Variants in SPEF2 observed in about 807,000 individuals in gnomAD.
The protein encoded by SPEF2 is sperm flagella and cilia-associated protein 2.
Under a neutral mutation model 224.6 loss-of-function variants are expected in SPEF2, and 187 were observed. The ratio of observed to expected loss-of-function variants is 0.83; its 90% CI spans 0.74 to 0.94. The LOEUF is 0.94. SPEF2 is among the 40% of genes least tolerant of loss of function. The pLI is 0.00. For synonymous variants in SPEF2, 715 were observed against 707.3 expected, an observed-to-expected ratio of 1.01 and a Z score of -0.17; for missense variants, 2,170 against 2,135.6, an observed-to-expected ratio of 1.02 and a Z score of -0.32.
chr5:35,788,409 G>GA (rs1405052277), intron 30 of SPEF2: 9 of 701,726 alleles, frequency 1.3e-5, no homozygotes, highest in Non-Finnish European at 2.3e-5. Context: ...GAAGTAGAAC[G>GA]AAAAAATCTA....
intron 30 of SPEF2, among the ~76,000 whole-genome samples, chr5:35,779,936 A>T (rs1164039249): frequency 1.3e-5 from 2 of 152,178 alleles, no homozygotes; most frequent in Non-Finnish European, 2.9e-5. Context: ...GGCTTTTTTT[A>T]TTCAGCCTTT....
intron 25 of SPEF2, among the ~76,000 whole-genome samples, chr5:35,760,812 A>G (rs1751181661): frequency 1.3e-5 from 2 of 152,234 alleles, no homozygotes; most frequent in African/African-American, 4.8e-5. Context: ...GTTTCCAACT[A>G]TAAAACATTA....
rs540866984 is a variant in SPEF2 at position 35,776,626 on chromosome 5, C to T, written c.4217+231C>T. ...GGTTCTATTGCTATATTAAACTTTG[C>T]ACAATATTTATGAGTTTAGCTGTCA... On this transcript the variant is annotated intron_variant, in intron 29 of 36. Transcript: ENST00000356031. Among the ~76,000 whole-genome samples the T allele has an allele frequency of 4.6e-5, 7 of 152,188 alleles. 1 individual carries two copies. The highest frequency in any genetic ancestry group is 6.8e-3 in the Middle Eastern group (2 of 294).
At chr5:35,666,624 C>A (rs553526755) in intron 8 of SPEF2, among the ~76,000 whole-genome samples, 16 of 152,264 alleles carry the variant, frequency 1.1e-4, no homozygotes, top group East Asian at 3.9e-4. Flanking sequence ...ATAGAACTCT[C>A]CCATTGAAAG....
At chr5:35,710,423 G>A (rs923387543) in intron 19 of SPEF2, 4 of 495,500 alleles carry the variant, frequency 8.1e-6, no homozygotes, top group South Asian at 8.5e-5. Context: ...TGGGCGTGGT[G>A]GCAGGCACCT....
rs779076331 is a variant in SPEF2 at position 35,700,519 on chromosome 5, G to A, written c.2165G>A (p.Cys722Tyr). The change falls in exon 16 of 37, where the codon TGT becomes TAT. Residue 722 changes from cysteine to tyrosine, a missense_variant. Transcript: ENST00000356031. The part of the protein sequence containing the change: ...AINEIPVNQD[C>Y]ILDGFPMTLN... ...AGTGAGATACCTGTGAATCAAGACTGTATCCTAGATGGTTTTCCAATGACT... is the reference window on the plus strand; with the variant it reads ...AGTGAGATACCTGTGAATCAAGACTATATCCTAGATGGTTTTCCAATGACT... 6 of 1,612,962 alleles carry A rather than the reference G, an allele frequency of 3.7e-6. No homozygotes were observed. In the African/African-American group the frequency reaches 5.3e-5, roughly 14 times the overall value.
intron 30 of SPEF2, among the ~76,000 whole-genome samples, chr5:35,782,204 C>T (rs1754447562): frequency 6.6e-6 from 1 of 152,154 alleles, no homozygotes; most frequent in Non-Finnish European, 1.5e-5. Context: ...ACTGTATTTA[C>T]CCTAGAACTC....
At chr5:35,759,493 A>G (rs2149745641) in intron 24 of SPEF2, 75 bp from the exon 25 acceptor site, 1 of 1,270,014 alleles carries the variant, frequency 7.9e-7, no homozygotes, top group Non-Finnish European at 1.0e-6. Context: ...TAGTGCTTTC[A>G]GAGGCTTATA....
intron 30 of SPEF2, among the ~76,000 whole-genome samples, chr5:35,784,658 C>G (rs1754849952): frequency 2.0e-5 from 3 of 151,996 alleles, no homozygotes; most frequent in Admixed American, 1.3e-4. Context: ...AAGGGATGAG[C>G]AGCTGTGGAG....
At position 35,670,250 on chromosome 5, in the gene SPEF2, T is replaced by A. The variant is rs1041054800; in HGVS notation, c.1524+23T>A. Reference sequence around the variant, plus strand: ...AAGGTACCTACTGATATGAAATAATTAGAATGCTACATAATAAATCCTTTT... The same window carrying A: ...AAGGTACCTACTGATATGAAATAATAAGAATGCTACATAATAAATCCTTTT... On this transcript the variant is annotated intron_variant, in intron 10 of 36. Transcript: ENST00000356031. 7.0e-6 allele frequency: 11 copies of A among 1,572,704 alleles called. No homozygotes were observed. In the Admixed American group the frequency reaches 1.4e-4, roughly 20 times the overall value.
chr5:35,741,072 C>A (rs62351948), intron 23 of SPEF2, among the ~76,000 whole-genome samples: 1 of 152,230 alleles, frequency 6.6e-6, no homozygotes, highest in East Asian at 1.9e-4. Context: ...GGTCCTAGCA[C>A]CATTAAAGAG....
intron 18 of SPEF2, among the ~76,000 whole-genome samples, chr5:35,706,761 T>C (rs1044551806): frequency 9.9e-5 from 15 of 152,118 alleles, no homozygotes; most frequent in African/African-American, 3.1e-4. Flanking sequence ...CAGGAGCTCA[T>C]ACTTAGAAAG....
intron 23 of SPEF2, among the ~76,000 whole-genome samples, chr5:35,741,393 G>A (rs747318157): frequency 8.5e-5 from 13 of 152,320 alleles, no homozygotes; most frequent in East Asian, 7.7e-4. Flanking sequence ...AAGCAAGAGC[G>A]ATGGCACTGA....
At chr5:35,709,273 C>A in intron 19 of SPEF2, 152 bp downstream of exon 19, 2 of 1,455,116 alleles carry the variant, frequency 1.4e-6, no homozygotes, top group South Asian at 3.1e-5. Context: ...GAAAAGCCCT[C>A]GGAGTAGCTA....
rs1252162077 is a variant in SPEF2 at position 35,700,588 on chromosome 5, A to G, written c.2234A>G (p.Asn745Ser). 1.9e-6 allele frequency: 3 copies of G among 1,613,920 alleles called. No individual in the cohort carries two copies. Among genetic ancestry groups the G allele is most frequent in the Admixed American group, 1.7e-5 (1 of 59,994 alleles). The change falls in exon 16 of 37, where the codon AAT becomes AGT. Residue 745 changes from asparagine to serine, a missense_variant. Asn to Ser is a conservative substitution (Grantham distance 46). Transcript: ENST00000356031. ...QLLEEALTGC[N>S]RNLTEVERKK... ...CTGGAAGAAGCTCTTACAGGCTGCA[A>G]TAGAAACCTCACAGAAGTGGAAAGA...
At chr5:35,661,072 G>C (rs1749620468) in intron 8 of SPEF2, among the ~76,000 whole-genome samples, 1 of 151,868 alleles carries the variant, frequency 6.6e-6, no homozygotes, top group African/African-American at 2.4e-5. Context: ...ACCAACAGTA[G>C]CTGGTACATA....
At chr5:35,740,335 C>A in intron 23 of SPEF2, 68 bp downstream of exon 23, 1 of 1,573,458 alleles carries the variant, frequency 6.4e-7, no homozygotes, top group Non-Finnish European at 8.7e-7. Context: ...AAAACCCCAA[C>A]TCATTTGCTC....
chr5:35,691,210 GA>G lies in SPEF2; in HGVS notation c.1702del (p.Thr568HisfsTer2). On this transcript the variant is annotated frameshift_variant, in exon 11 of 37. Transcript: ENST00000356031. LOFTEE classifies it high-confidence loss of function. ...SFAVKGCLLG[K>X]TLSGKTTILR... is the part of the protein sequence containing the mutation. ...TTGCTGTTAAAGGATGCTTATTGGG[GA>G]AAACATTAAGTGGAAAAACTACCAT... is the stretch of plus-strand genomic sequence containing the variant. The G allele has an allele frequency of 6.2e-7, 1 of 1,613,960 alleles. No individual in the cohort carries two copies. The highest frequency in any genetic ancestry group is 1.1e-5 in the South Asian group (1 of 91,062).
chr5:35,778,024 A>G (rs995381283), intron 29 of SPEF2, among the ~76,000 whole-genome samples: 5 of 152,212 alleles, frequency 3.3e-5, no homozygotes, highest in Non-Finnish European at 5.9e-5. Context: ...CACGTATTAC[A>G]TGGACACTTA....
Sources: allele counts gnomAD v4.1 joint callset (sites outside exome capture counted in the v4.1 genomes callset), GRCh38; gene constraint gnomAD v4.1.1; transcripts MANE v1.5; gene names NCBI Gene and HGNC (gene_info 2026-07-23, HGNC 2026-07-21).